The following ANKIB1 variants were observed in gnomAD, a reference collection of about 807,000 sequenced individuals.
ANKIB1 encodes ankyrin repeat and IBR domain-containing protein 1.
A neutral mutation model predicts 122.1 loss-of-function variants in ANKIB1; 43 were observed. That is an observed-to-expected ratio of 0.35 (90% CI 0.28 to 0.45). The LOEUF (loss-of-function observed/expected upper bound fraction) is 0.45, where lower values mean the gene tolerates loss of function less well. Ranked by LOEUF, ANKIB1 falls within the 20% of genes least tolerant of loss-of-function variation. The pLI, the probability that ANKIB1 is intolerant of heterozygous loss-of-function variation, is 1.00. For missense variants in ANKIB1, 992 were observed against 1,329.5 expected (o/e 0.75, Z 3.95); for synonymous variants, 390 against 442.0 (o/e 0.88, Z 1.48).
At chr7:92,370,323 A>G (rs924296092) in intron 10 of ANKIB1, among the ~76,000 whole-genome samples, 1 of 151,902 alleles carries the variant, frequency 6.6e-6, no homozygotes, top group Admixed American at 6.6e-5. Context: ...CCTGGCTAAC[A>G]TGGTGAAACC....
At chr7:92,293,715 A>C (rs933968955) in intron 1 of ANKIB1, among the ~76,000 whole-genome samples, 5 of 152,180 alleles carry the variant, frequency 3.3e-5, no homozygotes, top group Non-Finnish European at 5.9e-5. Context: ...ATCTGGTCCC[A>C]ACCTATTTTT....
intron 10 of ANKIB1, among the ~76,000 whole-genome samples, chr7:92,369,098 G>A (rs915932368): frequency 1.3e-5 from 2 of 152,164 alleles, no homozygotes; most frequent in Non-Finnish European, 2.9e-5. Flanking sequence ...AATGTGAAGT[G>A]TACTTAAATG....
intron 1 of ANKIB1, among the ~76,000 whole-genome samples, chr7:92,286,756 G>A (rs567828412): frequency 1.1e-4 from 16 of 152,220 alleles, no homozygotes; most frequent in African/African-American, 3.6e-4. Flanking sequence ...GATTACAGGC[G>A]TGAGCCACCA....
chr7:92,338,098 G>A (rs993877794), intron 5 of ANKIB1, among the ~76,000 whole-genome samples: 1 of 152,088 alleles, frequency 6.6e-6, no homozygotes, highest in Non-Finnish European at 1.5e-5. Context: ...TCAAAGAAAA[G>A]GGCTTGGCCC....
At chr7:92,350,266 C>T (rs1803630765) in intron 7 of ANKIB1, among the ~76,000 whole-genome samples, 1 of 152,028 alleles carries the variant, frequency 6.6e-6, no homozygotes, top group Non-Finnish European at 1.5e-5. Context: ...ATTTCTATAC[C>T]ATTGCCCCCT....
intron 5 of ANKIB1, among the ~76,000 whole-genome samples, chr7:92,332,207 A>G (rs1803187103): frequency 6.6e-6 from 1 of 152,230 alleles, no homozygotes; most frequent in Non-Finnish European, 1.5e-5. Context: ...TATCAATGAC[A>G]TTTGATAAGC....
At chr7:92,390,956 C>T (rs1192544055) in intron 15 of ANKIB1, among the ~76,000 whole-genome samples, 2 of 152,114 alleles carry the variant, frequency 1.3e-5, no homozygotes, top group Middle Eastern at 3.4e-3. Flanking sequence ...TTTAAAAATT[C>T]ACATGATTTT....
At chr7:92,361,668 G>A (rs978972987) in intron 9 of ANKIB1, among the ~76,000 whole-genome samples, 2 of 151,810 alleles carry the variant, frequency 1.3e-5, no homozygotes, top group East Asian at 1.9e-4. Flanking sequence ...TGAATGTACT[G>A]ATTTTTTTTT....
At chr7:92,338,245 A>C (rs1803333136) in intron 5 of ANKIB1, among the ~76,000 whole-genome samples, 1 of 151,176 alleles carries the variant, frequency 6.6e-6, no homozygotes, top group African/African-American at 2.4e-5. Context: ...CCTTGTCTCT[A>C]CAAAAAAATT....
intron 7 of ANKIB1, among the ~76,000 whole-genome samples, chr7:92,346,847 A>G (rs1271488095): frequency 1.3e-5 from 2 of 152,160 alleles, no homozygotes; most frequent in African/African-American, 4.8e-5. Context: ...TCCCAAACTC[A>G]TCACAAACTA....
In ANKIB1 at chr7:92,368,105, A is replaced by G. The variant is rs146758880; in HGVS notation, c.1487-3372A>G. ...CAGAAGTTGAAGGCTACAGTGAGCT[A>G]TGATTGCACCACTGCATTCCAGTCT... is the stretch of plus-strand genomic sequence containing the variant. On this transcript the variant is annotated intron_variant, in intron 10 of 19. Coordinates refer to ENST00000265742, the MANE Select transcript of ANKIB1 (RefSeq NM_019004.2). Among the ~76,000 whole-genome samples the G allele has an allele frequency of 5.8e-4, 88 of 152,248 alleles. No homozygotes were observed. The Middle Eastern group carries it at 0.014, about 24-fold the overall frequency.
At chr7:92,386,101 TTTAA>T (rs1202215233) in intron 11 of ANKIB1, among the ~76,000 whole-genome samples, 2 of 152,222 alleles carry the variant, frequency 1.3e-5, no homozygotes, top group East Asian at 3.9e-4. Flanking sequence ...TTAGAGGTCT[TTTAA>T]GCGTAGTTCT....
At chr7:92,393,830 A>C (rs554769814) in intron 17 of ANKIB1, among the ~76,000 whole-genome samples, 1 of 152,182 alleles carries the variant, frequency 6.6e-6, no homozygotes, top group Non-Finnish European at 1.5e-5. Flanking sequence ...GAGACTTTCA[A>C]ATTCTGCATG....
intron 4 of ANKIB1, among the ~76,000 whole-genome samples, chr7:92,326,532 A>G (rs1314659994): frequency 6.6e-6 from 1 of 152,190 alleles, no homozygotes; most frequent in Non-Finnish European, 1.5e-5. Context: ...GTCATTTCTG[A>G]GGCAAGGAGA....
At chr7:92,321,583 AAC>A (rs1802913173) in intron 4 of ANKIB1, among the ~76,000 whole-genome samples, 1 of 152,206 alleles carries the variant, frequency 6.6e-6, no homozygotes, top group African/African-American at 2.4e-5. Context: ...AAGAAATTAT[AAC>A]ACAGTAAATT....
chr7:92,267,292 T>C (rs1490705168), intron 1 of ANKIB1, among the ~76,000 whole-genome samples: 1 of 152,210 alleles, frequency 6.6e-6, no homozygotes, highest in Non-Finnish European at 1.5e-5. Context: ...TCAATAAATA[T>C]TCACAAAGTG....
chr7:92,268,551 C>T (rs950638800), intron 1 of ANKIB1, among the ~76,000 whole-genome samples: 2 of 152,200 alleles, frequency 1.3e-5, no homozygotes, highest in Non-Finnish European at 2.9e-5. Context: ...AATCTTGGCT[C>T]ACTGCAACCT....
At chr7:92,391,394 C>T (rs766311774) in intron 16 of ANKIB1, 50 bp downstream of exon 16, 13 of 1,400,366 alleles carry the variant, frequency 9.3e-6, no homozygotes, top group South Asian at 1.9e-5. Flanking sequence ...GCCACAAATA[C>T]CAGCAGTTTT....
intron 11 of ANKIB1, among the ~76,000 whole-genome samples, chr7:92,380,550 A>AGCAATATTTGCTGTTCT (rs957717509): frequency 2.0e-5 from 3 of 152,242 alleles, no homozygotes; most frequent in East Asian, 3.8e-4. Flanking sequence ...AGGACCAGGC[A>AGCAATATTTGCTGTTCT]GCAATATTTG....
Sources: allele counts gnomAD v4.1 joint callset (sites outside exome capture counted in the v4.1 genomes callset), GRCh38; gene constraint gnomAD v4.1.1; transcripts MANE v1.5; gene names NCBI Gene and HGNC (gene_info 2026-07-23, HGNC 2026-07-21).